Variants in SQOR observed in about 807,000 individuals in gnomAD.
SQOR encodes sulfide quinone oxidoreductase.
Under a neutral mutation model 48.6 loss-of-function variants are expected in SQOR, and 39 were observed. The observed-to-expected ratio is 0.80, with a 90% CI of 0.62 to 1.05. The LOEUF (loss-of-function observed/expected upper bound fraction) is 1.05, where lower values mean the gene tolerates loss of function less well. SQOR is among the 50% of genes least tolerant of loss of function. SQOR has a pLI of 0.00. For missense variants in SQOR, 561 were observed against 559.9 expected (o/e 1.00, Z -0.02); for synonymous variants, 220 against 206.2 (o/e 1.07, Z -0.57).
At chr15:45,665,627 A>G (rs1390473996) in intron 3 of SQOR, among the ~76,000 whole-genome samples, 8 of 146,578 alleles carry the variant, frequency 5.5e-5, no homozygotes, top group African/African-American at 2.0e-4. Flanking sequence ...TCTTTTGTCC[A>G]GGCTGGAGTG....
chr15:45,655,961 A>G (rs1258852550), intron 1 of SQOR, among the ~76,000 whole-genome samples: 1 of 151,194 alleles, frequency 6.6e-6, no homozygotes, highest in Non-Finnish European at 1.5e-5. Flanking sequence ...CTAGGATTAC[A>G]GGCGTGAGCC....
At chr15:45,659,600 A>G (rs1264594723) in intron 2 of SQOR, among the ~76,000 whole-genome samples, 1 of 151,210 alleles carries the variant, frequency 6.6e-6, no homozygotes, top group East Asian at 1.9e-4. Flanking sequence ...AATCCTTGCC[A>G]CTCTCTGGCT....
At chr15:45,674,404 C>G (rs1889999738) in intron 5 of SQOR, among the ~76,000 whole-genome samples, 1 of 151,386 alleles carries the variant, frequency 6.6e-6, no homozygotes, top group Non-Finnish European at 1.5e-5. Flanking sequence ...TGTGCCATTG[C>G]ACTCCAGCCT....
intron 1 of SQOR, among the ~76,000 whole-genome samples, chr15:45,658,102 C>T (rs1211584055): frequency 2.0e-5 from 3 of 151,938 alleles, no homozygotes; most frequent in Non-Finnish European, 2.9e-5. Context: ...GTGAGTCTCT[C>T]GGAGGAACTA....
At chr15:45,670,690 G>T (rs1566920951) in intron 4 of SQOR, among the ~76,000 whole-genome samples, 1 of 152,184 alleles carries the variant, frequency 6.6e-6, no homozygotes, top group Non-Finnish European at 1.5e-5. Flanking sequence ...CTGGGCAAGG[G>T]CCTCAACAGA....
chr15:45,661,864 G>A (rs1889726478), intron 2 of SQOR, 91 bp from the exon 3 acceptor site: 1 of 1,333,326 alleles, frequency 7.5e-7, no homozygotes, highest in Non-Finnish European at 1.0e-6. Context: ...TCAGGAGGGA[G>A]TGATTGAAAG....
intron 7 of SQOR, among the ~76,000 whole-genome samples, chr15:45,687,997 A>G (rs941406590): frequency 1.3e-5 from 2 of 152,190 alleles, no homozygotes; most frequent in African/African-American, 4.8e-5. Flanking sequence ...GATAACCCAC[A>G]TGGTCAAGAA....
intron 9 of SQOR, 64 bp from the exon 10 acceptor site, chr15:45,690,909 C>T (rs115588750): frequency 2.4e-5 from 34 of 1,427,352 alleles, no homozygotes; most frequent in Non-Finnish European, 2.9e-5. Flanking sequence ...TTTCAGCATC[C>T]TCCTGACTGA....
intron 6 of SQOR, 90 bp from the exon 7 acceptor site, chr15:45,682,388 A>G (rs1890138767): frequency 1.5e-6 from 2 of 1,360,790 alleles, no homozygotes; most frequent in Admixed American, 4.1e-5. Context: ...GCCATAGCAC[A>G]GTGTATAGAG....
At chr15:45,637,392 A>G (rs1895023877) in intron 1 of SQOR, among the ~76,000 whole-genome samples, 1 of 152,146 alleles carries the variant, frequency 6.6e-6, no homozygotes, top group South Asian at 2.1e-4. Context: ...AGTAGATACC[A>G]TTTATCAGAA....
intron 5 of SQOR, among the ~76,000 whole-genome samples, chr15:45,675,848 C>G (rs1890026283): frequency 6.6e-6 from 1 of 152,118 alleles, no homozygotes; most frequent in African/African-American, 2.4e-5. Context: ...TGACCTGGAC[C>G]TAACCTTCAC....
At chr15:45,655,895 C>T (rs895005216) in intron 1 of SQOR, among the ~76,000 whole-genome samples, 4 of 151,828 alleles carry the variant, frequency 2.6e-5, no homozygotes, top group African/African-American at 4.8e-5. Flanking sequence ...CCATGTTGGC[C>T]AGGATGGTCT....
chr15:45,671,315 C>T (rs1327252969), intron 4 of SQOR, among the ~76,000 whole-genome samples: 12 of 152,178 alleles, frequency 7.9e-5, no homozygotes, highest in African/African-American at 1.4e-4. Context: ...CCACCATGCC[C>T]GGCTAATTTT....
At chr15:45,659,905 A>G (rs772102807) in intron 2 of SQOR, among the ~76,000 whole-genome samples, 12 of 152,206 alleles carry the variant, frequency 7.9e-5, no homozygotes, top group African/African-American at 1.7e-4. Flanking sequence ...AGGAAAATCA[A>G]TGGCCACTGC....
intron 8 of SQOR, among the ~76,000 whole-genome samples, 181 bp downstream of exon 8, chr15:45,688,585 C>T (rs894183553): frequency 6.6e-6 from 1 of 151,142 alleles, no homozygotes; most frequent in Admixed American, 6.6e-5. Flanking sequence ...GATCTCAGCT[C>T]ACCGCAACCT....
chr15:45,689,258 G>C (rs1292210492), intron 9 of SQOR, 41 bp downstream of exon 9: 2 of 1,601,466 alleles, frequency 1.2e-6, no homozygotes, highest in South Asian at 1.1e-5. Flanking sequence ...AAAGGGATTT[G>C]TAGCACATCT....
At chr15:45,688,463 TA>T in intron 8 of SQOR, 59 bp downstream of exon 8, 1 of 1,308,248 alleles carries the variant, frequency 7.6e-7, no homozygotes, top group East Asian at 2.5e-5. Context: ...TGTGTAAAAG[TA>T]GTGTTTTCCC....
At chr15:45,659,577 G>A (rs1889684459) in intron 2 of SQOR, among the ~76,000 whole-genome samples, 2 of 152,100 alleles carry the variant, frequency 1.3e-5, no homozygotes, top group Admixed American at 6.6e-5. Flanking sequence ...CCAGCTTCTG[G>A]TGGTTACCCT....
At chr15:45,644,156 C>T (rs538568773) in intron 1 of SQOR, among the ~76,000 whole-genome samples, 14 of 152,128 alleles carry the variant, frequency 9.2e-5, no homozygotes, top group African/African-American at 3.1e-4. Context: ...GACGCGATCT[C>T]GGCTCACTGC....
Sources: gnomAD v4.1 joint callset for allele counts (sites outside exome capture counted in the v4.1 genomes callset) on GRCh38, gnomAD v4.1.1 for gene constraint, MANE v1.5 for transcripts, NCBI Gene and HGNC (gene_info 2026-07-23, HGNC 2026-07-21) for gene names.